Variants in SLC13A3 observed in about 807,000 individuals in gnomAD.
SLC13A3 encodes solute carrier family 13 member 3, also known as Na(+)/dicarboxylate cotransporter 3.
In SLC13A3, 40 loss-of-function variants were observed where a neutral mutation model predicts 59.0. The observed-to-expected ratio is 0.68, with a 90% CI of 0.53 to 0.88. The LOEUF (loss-of-function observed/expected upper bound fraction) is 0.88, where lower values mean the gene tolerates loss of function less well. SLC13A3 is among the 40% of genes least tolerant of loss of function. The pLI is 0.00. For missense variants in SLC13A3, 699 were observed against 783.2 expected, an observed-to-expected ratio of 0.89 and a Z score of 1.28; for synonymous variants, 317 against 330.3, an observed-to-expected ratio of 0.96 and a Z score of 0.44.
In SLC13A3 at chr20:46,600,743, G is replaced by A. The variant is rs140655807; in HGVS notation, c.542-706C>T. 71 of 236,250 alleles carry A rather than the reference G, an allele frequency of 3.0e-4. 1 individual carries two copies. In the East Asian group the frequency reaches 8.1e-3, roughly 27 times the overall value. 14.6% of individuals were successfully genotyped at this position (236,250 alleles called of 1,614,324 possible). A position where few individuals can be genotyped will look rare whatever the true frequency, so the allele number is the denominator to read the frequency against. On this transcript the variant is annotated intron_variant, in intron 3 of 12. Transcript: ENST00000279027. The stretch of plus-strand genomic sequence containing the variant: ...ATTGACTATGTTCTCAGGGTACTCT[G>A]TGAACAATATAGAACAAGGCCCCTG...
Position 46,578,895 on chromosome 20 carries a change from C to T in SLC13A3, c.1220-3210G>A, listed in dbSNP as rs144909673. On this transcript the variant is annotated intron_variant, in intron 9 of 12. Transcript: ENST00000279027. ...TAGTTGGCAAAGAGGAAAGAGAAGT[C>T]GTCGTCGTCGTCATCATCATCATCA... is the stretch of plus-strand genomic sequence containing the variant. Among the ~76,000 whole-genome samples the T allele has an allele frequency of 2.6e-4, 39 of 147,544 alleles. No individual in the cohort carries two copies. The East Asian group carries it at 3.3e-3, about 13-fold the overall frequency.
intron 3 of SLC13A3, among the ~76,000 whole-genome samples, chr20:46,600,407 G>GAAGGAAGGAAGGAAGGAAGGA (rs1224108877): frequency 2.1e-5 from 3 of 143,492 alleles, no homozygotes; most frequent in Non-Finnish European, 4.6e-5. Flanking sequence ...AGAAAGAAAG[G>GAAGGAAGGAAGGAAGGAAGGA]AGGAAGGAAG....
chr20:46,611,981 C>G (rs1449831090), intron 2 of SLC13A3, among the ~76,000 whole-genome samples: 1 of 152,026 alleles, frequency 6.6e-6, no homozygotes, highest in Non-Finnish European at 1.5e-5. Context: ...GCATTTCCTT[C>G]AGGGATAAAC....
chr20:46,604,441 C>T (rs993738322), intron 3 of SLC13A3, among the ~76,000 whole-genome samples: 1 of 152,204 alleles, frequency 6.6e-6, no homozygotes, highest in Non-Finnish European at 1.5e-5. Flanking sequence ...CTTCAAGGAA[C>T]CCAAGCAAGA....
chr20:46,560,761 T>C (rs1211051497), intron 12 of SLC13A3, among the ~76,000 whole-genome samples: 1 of 152,142 alleles, frequency 6.6e-6, no homozygotes. Context: ...GAAGCATTTT[T>C]CTTCTGTCGG....
intron 1 of SLC13A3, among the ~76,000 whole-genome samples, chr20:46,632,478 A>AG (rs1163390765): frequency 6.8e-6 from 1 of 147,186 alleles, no homozygotes; most frequent in African/African-American, 2.5e-5. Flanking sequence ...AAAAAAAAAA[A>AG]GCTGCCAGGA....
chr20:46,594,961 A>G (rs2062295511), intron 5 of SLC13A3, among the ~76,000 whole-genome samples: 1 of 152,216 alleles, frequency 6.6e-6, no homozygotes, highest in South Asian at 2.1e-4. Context: ...TTGCACACAT[A>G]GCAAACCTCT....
intron 3 of SLC13A3, chr20:46,600,712 T>C (rs2062371784): frequency 6.0e-6 from 2 of 332,156 alleles, no homozygotes; most frequent in Non-Finnish European, 1.4e-5. Flanking sequence ...GCACCTACTA[T>C]GTGCTATTGA....
intron 5 of SLC13A3, among the ~76,000 whole-genome samples, chr20:46,594,816 G>A (rs148967777): frequency 6.6e-6 from 1 of 151,196 alleles, no homozygotes; most frequent in South Asian, 2.1e-4. Context: ...AAAGCATTTT[G>A]GAAGCTGAGA....
intron 3 of SLC13A3, among the ~76,000 whole-genome samples, chr20:46,607,355 C>T (rs1015283672): frequency 2.0e-5 from 3 of 152,122 alleles, no homozygotes; most frequent in African/African-American, 2.4e-5. Flanking sequence ...CTCTCCTAGC[C>T]CACTGGCAGA....
chr20:46,580,556 A>T (rs1328372684), intron 9 of SLC13A3, among the ~76,000 whole-genome samples: 1 of 151,988 alleles, frequency 6.6e-6, no homozygotes, highest in African/African-American at 2.4e-5. Flanking sequence ...TACAAACTCA[A>T]TTGTAACCCC....
At chr20:46,562,260 C>G (rs1242529012) in intron 12 of SLC13A3, among the ~76,000 whole-genome samples, 1 of 152,178 alleles carries the variant, frequency 6.6e-6, no homozygotes, top group Admixed American at 6.5e-5. Flanking sequence ...TGTCCTGTCC[C>G]CGCTGTTCCC....
At chr20:46,602,188 T>G (rs1189400927) in intron 3 of SLC13A3, among the ~76,000 whole-genome samples, 5 of 151,874 alleles carry the variant, frequency 3.3e-5, no homozygotes, top group African/African-American at 1.2e-4. Context: ...CTCCAAAAAA[T>G]TAGCTGGGTG....
intron 10 of SLC13A3, among the ~76,000 whole-genome samples, chr20:46,567,207 G>A (rs900894301): frequency 1.3e-5 from 2 of 151,966 alleles, no homozygotes; most frequent in Non-Finnish European, 2.9e-5. Flanking sequence ...ATATATATAT[G>A]TATTTGTATA....
intron 1 of SLC13A3, among the ~76,000 whole-genome samples, chr20:46,627,295 G>C (rs1423991578): frequency 6.6e-6 from 1 of 152,186 alleles, no homozygotes; most frequent in Non-Finnish European, 1.5e-5. Context: ...AGTCTGATTT[G>C]CACTTCCAAT....
chr20:46,563,580 G>A lies in SLC13A3; in HGVS notation c.1495-29C>T, dbSNP rs532190681. On this transcript the variant is annotated intron_variant, in intron 11 of 12. Coordinates refer to ENST00000279027, the MANE Select transcript of SLC13A3 (RefSeq NM_022829.6). The stretch of plus-strand genomic sequence containing the variant: ...GGCCAGGAAAAGGTGGGAGAGACCC[G>A]GAGAGAGACCAACGCAGAGCGACCA... The A allele has an allele frequency of 2.4e-5, 38 of 1,606,082 alleles. No individual in the cohort carries two copies. In the Admixed American group the frequency reaches 3.0e-4, roughly 13 times the overall value.
chr20:46,578,360 G>A (rs534941916), intron 9 of SLC13A3, among the ~76,000 whole-genome samples: 13 of 152,212 alleles, frequency 8.5e-5, no homozygotes, highest in Middle Eastern at 3.4e-3. Context: ...TATATTCCAG[G>A]GGGGAAGTCA....
At chr20:46,636,497 G>A (rs2062796699) in intron 1 of SLC13A3, among the ~76,000 whole-genome samples, 1 of 152,196 alleles carries the variant, frequency 6.6e-6, no homozygotes, top group Non-Finnish European at 1.5e-5. Flanking sequence ...CAGGACACGT[G>A]GATTAAGCAC....
chr20:46,680,984 C>A (rs2063151181), intron 1 of SLC13A3, among the ~76,000 whole-genome samples: 1 of 152,222 alleles, frequency 6.6e-6, no homozygotes, highest in Non-Finnish European at 1.5e-5. Flanking sequence ...ACCTGGTAAA[C>A]AAGGAGACAT....
Sources: allele counts gnomAD v4.1 joint callset (sites outside exome capture counted in the v4.1 genomes callset), GRCh38; gene constraint gnomAD v4.1.1; transcripts MANE v1.5; gene names NCBI Gene and HGNC (gene_info 2026-07-23, HGNC 2026-07-21).